GNG5: variants seen among roughly 807,000 people sequenced by gnomAD.
The protein encoded by GNG5 is guanine nucleotide-binding protein G(I)/G(S)/G(O) subunit gamma-5.
Under a neutral mutation model 6.2 loss-of-function variants are expected in GNG5, and 2 were observed. The ratio of observed to expected loss-of-function variants is 0.32; its 90% CI spans 0.13 to 1.01. The LOEUF (loss-of-function observed/expected upper bound fraction) is 1.01. GNG5 is among the 50% of genes least tolerant of loss of function. The probability of loss-of-function intolerance (pLI) is 0.48; values close to 1 mark genes in which losing one functional copy is unlikely to be tolerated. For synonymous variants in GNG5, 24 were observed against 33.0 expected (o/e 0.73, Z 0.93); for missense variants, 57 against 80.2 (o/e 0.71, Z 1.10).
chr1:84,498,416 G>A lies in GNG5; in HGVS notation c.*152C>T, dbSNP rs1483448175. 1 of 152,696 alleles carries A rather than the reference G, an allele frequency of 6.5e-6. No homozygotes were observed. The highest frequency in any genetic ancestry group is 1.9e-4 in the East Asian group (1 of 5,198). 9.5% of individuals were successfully genotyped at this position (152,696 alleles called of 1,614,324 possible). A position where few individuals can be genotyped will look rare whatever the true frequency, so the allele number is the denominator to read the frequency against. ...TAGAAATTCATGAAAATTCAGAGAG[G>A]TAGATGTTAAGGACTGACGAAAGTA... is the stretch of plus-strand genomic sequence containing the variant. On this transcript the variant is annotated 3_prime_UTR_variant, in exon 4 of 4. Coordinates refer to ENST00000370645, the MANE Select transcript of GNG5 (RefSeq NM_005274.3).
chr1:84,499,750 T>C (rs1314517030), intron 3 of GNG5, among the ~76,000 whole-genome samples: 1 of 152,192 alleles, frequency 6.6e-6, no homozygotes, highest in African/African-American at 2.4e-5. Flanking sequence ...TGTTATTCTA[T>C]TTTGTTTTGT....
chr1:84,499,210 ATTAG>A (rs779168779), intron 3 of GNG5, among the ~76,000 whole-genome samples: 37 of 152,222 alleles, frequency 2.4e-4, no homozygotes, highest in Non-Finnish European at 4.1e-4. Context: ...TAACTTTAGG[ATTAG>A]TTATTGATAT....
Position 84,502,251 on chromosome 1 carries a change from A to G in GNG5, c.82-281T>C, listed in dbSNP as rs569645603. 1.1e-4 allele frequency among the ~76,000 whole-genome samples: 16 copies of G among 147,524 alleles called. No homozygotes were observed. The South Asian group carries it at 3.4e-3, about 31-fold the overall frequency. ...TCGGTTCAAGCGATTCTCCTGCCTC[A>G]GCCTCCTGAGTAGCTGGGACTACAG... On this transcript the variant is annotated intron_variant, in intron 2 of 3. Coordinates refer to ENST00000370645, the MANE Select transcript of GNG5 (RefSeq NM_005274.3).
intron 3 of GNG5, among the ~76,000 whole-genome samples, chr1:84,500,040 C>G (rs867521223): frequency 6.6e-6 from 1 of 152,026 alleles, no homozygotes; most frequent in African/African-American, 2.4e-5. Context: ...TGCAGTGAGC[C>G]GAGACTGCGC....
chr1:84,506,192 G>T lies in GNG5; in HGVS notation c.-101C>A. The T allele has an allele frequency of 2.2e-6, 2 of 901,174 alleles. No individual in the cohort carries two copies. Among genetic ancestry groups the T allele is most frequent in the South Asian group, 4.0e-5 (2 of 49,848 alleles). The allele number at this position is 901,174 out of a possible 1,614,324, so 55.8% of individuals were successfully genotyped here. ...CGGCGCGCGGCGGGGGCGGGGCTCC[G>T]AACTTTGTCTCTAAGTTTCCGGTTC... On this transcript the variant is annotated 5_prime_UTR_variant, in exon 2 of 4. Coordinates refer to ENST00000370645, the MANE Select transcript of GNG5 (RefSeq NM_005274.3).
At chr1:84,502,257 C>G (rs575565807) in intron 2 of GNG5, among the ~76,000 whole-genome samples, 1 of 151,600 alleles carries the variant, frequency 6.6e-6, no homozygotes, top group East Asian at 1.9e-4. Context: ...CCTCAGCCTC[C>G]TGAGTAGCTG....
intron 2 of GNG5, among the ~76,000 whole-genome samples, chr1:84,504,035 G>C (rs904171134): frequency 2.6e-5 from 4 of 152,202 alleles, no homozygotes; most frequent in Non-Finnish European, 5.9e-5. Flanking sequence ...CCATCCAGGA[G>C]GTTGAAACCC....
chr1:84,502,090 G>T, intron 2 of GNG5, 120 bp from the exon 3 acceptor site: 52 of 469,504 alleles, frequency 1.1e-4, no homozygotes, highest in East Asian at 2.2e-4. Context: ...TTCAAAAGAA[G>T]ATACTATATA....
At chr1:84,499,372 C>T (rs779300341) in intron 3 of GNG5, among the ~76,000 whole-genome samples, 8 of 152,188 alleles carry the variant, frequency 5.3e-5, no homozygotes, top group Non-Finnish European at 1.2e-4. Context: ...AAAACATTCT[C>T]ATGTTTCTAG....
At position 84,506,177 on chromosome 1, in the gene GNG5, C is replaced by G; in HGVS notation, c.-86G>C. 2 of 1,084,066 alleles carry G rather than the reference C, an allele frequency of 1.8e-6. No individual in the cohort carries two copies. The highest frequency in any genetic ancestry group is 5.8e-5 in the Admixed American group (2 of 34,498). 67.2% of individuals were successfully genotyped at this position (1,084,066 alleles called of 1,614,324 possible). On this transcript the variant is annotated 5_prime_UTR_variant, in exon 2 of 4. Transcript: ENST00000370645. ...GGCCAGACAACTCAGCGGCGCGCGG[C>G]GGGGGCGGGGCTCCGAACTTTGTCT...
At chr1:84,502,159 A>G (rs1682072834) in intron 2 of GNG5, among the ~76,000 whole-genome samples, 189 bp from the exon 3 acceptor site, 1 of 124,646 alleles carries the variant, frequency 8.0e-6, no homozygotes, top group African/African-American at 3.3e-5. Flanking sequence ...TTTTTTTGAG[A>G]CGGAGTCTCA....
chr1:84,502,353 C>G (rs1457527861), intron 2 of GNG5, among the ~76,000 whole-genome samples: 2 of 148,512 alleles, frequency 1.3e-5, no homozygotes, highest in Non-Finnish European at 3.0e-5. Context: ...AGGATGGTCT[C>G]TCTCTCTTGA....
intron 3 of GNG5, among the ~76,000 whole-genome samples, chr1:84,501,429 A>G (rs1030099526): frequency 1.3e-5 from 2 of 152,212 alleles, no homozygotes; most frequent in African/African-American, 4.8e-5. Context: ...ACTTTAAGTT[A>G]TCCCCATAAA....
intron 2 of GNG5, among the ~76,000 whole-genome samples, chr1:84,504,989 A>G (rs932841198): frequency 1.3e-5 from 2 of 152,242 alleles, no homozygotes; most frequent in African/African-American, 4.8e-5. Context: ...TCAGTTCACA[A>G]AACATTTCGG....
chr1:84,502,845 A>G (rs1379247454), intron 2 of GNG5, among the ~76,000 whole-genome samples: 1 of 152,206 alleles, frequency 6.6e-6, no homozygotes, highest in Non-Finnish European at 1.5e-5. Flanking sequence ...AAACTAAAAC[A>G]AATTAAAAGA....
Position 84,501,926 on chromosome 1 carries a change from A to G in GNG5, c.126T>C (p.Asn42=). 6.2e-7 allele frequency: 1 copy of G among 1,607,454 alleles called. No individual in the cohort carries two copies. Among genetic ancestry groups the G allele is most frequent in the Non-Finnish European group, 8.5e-7 (1 of 1,173,916 alleles). The change falls in exon 3 of 4, where the codon AAT becomes AAC. Residue 42 remains asparagine, a synonymous_variant. Transcript: ENST00000370645. ...CAGTCAGCAGAGGGTCATGTTGAGC[A>G]TTCTGCAGACAGAACTGTTTCAAGT... The part of the protein sequence containing the change: ...AADLKQFCLQ[N]AQHDPLLTGV...
intron 2 of GNG5, among the ~76,000 whole-genome samples, chr1:84,503,416 G>T: frequency 6.6e-6 from 1 of 152,064 alleles, no homozygotes; most frequent in East Asian, 1.9e-4. Flanking sequence ...AACGCTTATC[G>T]AATCTATTTG....
intron 3 of GNG5, among the ~76,000 whole-genome samples, chr1:84,500,608 GATATT>G (rs1447777075): frequency 6.6e-6 from 1 of 152,084 alleles, no homozygotes. Flanking sequence ...AGAAACAAAG[GATATT>G]ATAATAAACT....
At chr1:84,505,489 T>G (rs1211687577) in intron 2 of GNG5, among the ~76,000 whole-genome samples, 1 of 152,004 alleles carries the variant, frequency 6.6e-6, no homozygotes, top group African/African-American at 2.4e-5. Context: ...ATGCAATAAT[T>G]CGCTTAAAAG....
Sources: allele counts gnomAD v4.1 joint callset (sites outside exome capture counted in the v4.1 genomes callset), GRCh38; gene constraint gnomAD v4.1.1; transcripts MANE v1.5; gene names NCBI Gene and HGNC (gene_info 2026-07-23, HGNC 2026-07-21).